The following EP300 variants were observed in gnomAD, a reference collection of about 807,000 sequenced individuals.
EP300 encodes EP300 lysine acetyltransferase.
EP300 carries 31 observed loss-of-function variants against 264.0 expected under a neutral mutation model. The ratio of observed to expected loss-of-function variants is 0.12; its 90% CI spans 0.09 to 0.16. EP300 has a LOEUF of 0.16. Among genes scored for constraint, EP300 ranks in the 10% least tolerant of loss-of-function variants. The probability of loss-of-function intolerance (pLI) is 1.00; values close to 1 mark genes in which losing one functional copy is unlikely to be tolerated. For missense variants in EP300, 2,766 were observed against 3,052.9 expected, an observed-to-expected ratio of 0.91 and a Z score of 2.21; for synonymous variants, 1,340 against 1,045.4, an observed-to-expected ratio of 1.28 and a Z score of -5.44.
At chr22:41,131,312 G>GT (rs1372042408) in intron 5 of EP300, 76 bp from the exon 6 acceptor site, 5 of 1,494,338 alleles carry the variant, frequency 3.3e-6, no homozygotes, top group African/African-American at 2.8e-5. Flanking sequence ...ATTTTGTGGG[G>GT]TTTTTTATTA....
At chr22:41,164,462 AGCAC>A (rs1229220776) in intron 22 of EP300, among the ~76,000 whole-genome samples, 1 of 152,184 alleles carries the variant, frequency 6.6e-6, no homozygotes, top group Non-Finnish European at 1.5e-5. Flanking sequence ...CTGTAATCCC[AGCAC>A]TTTGGGAGGC....
chr22:41,135,714 T>G (rs1393234407), intron 6 of EP300, 99 bp from the exon 7 acceptor site: 2 of 942,100 alleles, frequency 2.1e-6, no homozygotes, highest in Admixed American at 3.9e-5. Flanking sequence ...TGCTGCAAAT[T>G]TTTTTTCTGA....
chr22:41,119,744 C>G (rs1323079027), intron 2 of EP300, among the ~76,000 whole-genome samples: 1 of 152,074 alleles, frequency 6.6e-6, no homozygotes, highest in Non-Finnish European at 1.5e-5. Flanking sequence ...AATCCCTGTC[C>G]TTGTGGAGCT....
chr22:41,125,153 C>T (rs1210076832), intron 2 of EP300, among the ~76,000 whole-genome samples: 1 of 127,550 alleles, frequency 7.8e-6, no homozygotes, highest in Non-Finnish European at 1.6e-5. Context: ...GAGTCTCACT[C>T]TGTCGCCCAG....
chr22:41,126,203 C>G (rs1215421746), intron 3 of EP300, 163 bp downstream of exon 3: 1 of 697,948 alleles, frequency 1.4e-6, no homozygotes, highest in African/African-American at 1.8e-5. Flanking sequence ...TGCTTCCTTT[C>G]CATTTCTCTG....
intron 7 of EP300, among the ~76,000 whole-genome samples, chr22:41,137,097 G>A (rs373757107): frequency 1.3e-4 from 19 of 151,464 alleles, no homozygotes; most frequent in Non-Finnish European, 2.1e-4. Flanking sequence ...AGTGGCTCAC[G>A]CCTGTAATCT....
At chr22:41,164,697 A>G (rs1174567410) in intron 22 of EP300, among the ~76,000 whole-genome samples, 1 of 152,220 alleles carries the variant, frequency 6.6e-6, no homozygotes, top group East Asian at 1.9e-4. Flanking sequence ...CCTGGGTGAC[A>G]GAGTGAGACT....
At chr22:41,127,028 G>C (rs2058886857) in intron 3 of EP300, among the ~76,000 whole-genome samples, 1 of 152,014 alleles carries the variant, frequency 6.6e-6, no homozygotes. Context: ...ACAGGCGTGA[G>C]CCACCGCGCC....
intron 3 of EP300, 110 bp downstream of exon 3, chr22:41,126,150 G>A (rs969742708): frequency 1.8e-6 from 2 of 1,115,934 alleles, no homozygotes; most frequent in East Asian, 2.4e-5. Context: ...CCCACTAGGA[G>A]CCTAAATTGA....
rs1601639332 is a variant in EP300, at chr22:41,176,461, G to A, written c.4994G>A (p.Arg1665His). The A allele has an allele frequency of 2.5e-6, 4 of 1,614,172 alleles. No homozygotes were observed. The highest frequency in any genetic ancestry group is 3.4e-6 in the Non-Finnish European group (4 of 1,180,046). ...GAGCTGCACACGCAGAGCCAGGACC[G>A]CTTTGTCTACACCTGCAATGAATGC... ...LVELHTQSQD[R>H]FVYTCNECKH... Residue 1665 changes from arginine to histidine, a missense_variant, in exon 30 of 31, where the codon CGC (arginine) becomes CAC (histidine). By Grantham distance (29) the Arg-to-His change is conservative. Coordinates refer to ENST00000263253, the MANE Select transcript of EP300 (RefSeq NM_001429.4).
At chr22:41,123,708 A>G (rs2058864821) in intron 2 of EP300, among the ~76,000 whole-genome samples, 1 of 152,178 alleles carries the variant, frequency 6.6e-6, no homozygotes, top group Non-Finnish European at 1.5e-5. Flanking sequence ...GATGACTTGT[A>G]GTTGGGATCC....
rs768061933 is a variant in EP300, at chr22:41,178,825, A to G, written c.7114A>G (p.Met2372Val). 133 of 1,613,990 alleles carry G rather than the reference A, an allele frequency of 8.2e-5. No homozygotes were observed. The highest frequency in any genetic ancestry group is 9.2e-5 in the Non-Finnish European group (108 of 1,180,030). Reference sequence around the variant, plus strand: ...TTTTGCCAGCCCGGACCAGAATTCAATGCTTTCTCAGCTTGCTAGCAATCC... The same window carrying G: ...TTTTGCCAGCCCGGACCAGAATTCAGTGCTTTCTCAGCTTGCTAGCAATCC... ...GHFASPDQNS[M>V]LSQLASNPGM... The change falls in exon 31 of 31, where the codon ATG becomes GTG. Residue 2372 changes from methionine to valine, a missense_variant. Transcript: ENST00000263253.
chr22:41,152,175 G>A lies in EP300; in HGVS notation c.2998-31G>A, dbSNP rs768972414. 4 of 1,611,312 alleles carry A rather than the reference G, an allele frequency of 2.5e-6. No homozygotes were observed. In the Admixed American group the frequency reaches 6.7e-5, roughly 27 times the overall value. The stretch of plus-strand genomic sequence containing the variant: ...ACTGATTCCCAACTAGATATCTTTG[G>A]AATACTAAAAATTCTTACGTTTTCT... On this transcript the variant is annotated intron_variant, in intron 15 of 30. Transcript: ENST00000263253.
chr22:41,102,699 C>T (rs1569082815), intron 1 of EP300, among the ~76,000 whole-genome samples: 1 of 151,932 alleles, frequency 6.6e-6, no homozygotes, highest in Non-Finnish European at 1.5e-5. Context: ...TTCCAGCCAC[C>T]CTTACCACAG....
At chr22:41,162,410 A>T (rs1483881208) in intron 20 of EP300, among the ~76,000 whole-genome samples, 1 of 152,152 alleles carries the variant, frequency 6.6e-6, no homozygotes, top group Non-Finnish European at 1.5e-5. Context: ...GGGTTTCAGG[A>T]TGGGAAGCCA....
chr22:41,176,352 G>A lies in EP300; in HGVS notation c.4885G>A (p.Ala1629Thr), dbSNP rs2145512810. Residue 1629 changes from alanine (A) to threonine (T), a missense_variant, in exon 30 of 31, where the codon GCG (alanine) becomes ACG (threonine). Ala to Thr is a moderately conservative substitution (Grantham distance 58). Transcript: ENST00000263253. The stretch of plus-strand genomic sequence containing the variant: ...CTGCGATCTGATGGATGGTCGGGAT[G>A]CGTTTCTCACGCTGGCAAGGGACAA... ...IPCDLMDGRD[A>T]FLTLARDKHL... 2 of 1,614,234 alleles carry A rather than the reference G, an allele frequency of 1.2e-6. No homozygotes were observed. Among genetic ancestry groups the A allele is most frequent in the East Asian group, 2.2e-5 (1 of 44,876 alleles).
chr22:41,141,053 A>C lies in EP300; in HGVS notation c.1884A>C (p.Glu628Asp). The part of the protein sequence containing the change: ...DMYESANNRA[E>D]YYHLLAEKIY... ...TTACTTCAACAATTCAAAAGGCGGA[A>C]TACTACCACCTTCTAGCTGAGAAAA... Residue 628 changes from glutamate to aspartate, a missense_variant, in exon 10 of 31, where the codon GAA becomes GAC. Physicochemically the swap from Glu to Asp is conservative, Grantham distance 45. Coordinates refer to ENST00000263253, the MANE Select transcript of EP300 (RefSeq NM_001429.4). 1 of 1,613,882 alleles carries C rather than the reference A, an allele frequency of 6.2e-7. No individual in the cohort carries two copies. The highest frequency in any genetic ancestry group is 8.5e-7 in the Non-Finnish European group (1 of 1,179,908).
chr22:41,119,783 A>C (rs1429561765), intron 2 of EP300, among the ~76,000 whole-genome samples: 1 of 152,152 alleles, frequency 6.6e-6, no homozygotes, highest in East Asian at 1.9e-4. Context: ...AGGAATTCAA[A>C]TTTTAAACTT....
At chr22:41,107,962 C>A (rs554570458) in intron 1 of EP300, 1 of 152,326 alleles carries the variant, frequency 6.6e-6, no homozygotes, top group South Asian at 2.1e-4. Context: ...CTCGGCCTCC[C>A]AAAGTGCTGG....
Sources: gnomAD v4.1 joint callset for allele counts (sites outside exome capture counted in the v4.1 genomes callset) on GRCh38, gnomAD v4.1.1 for gene constraint, MANE v1.5 for transcripts, NCBI Gene and HGNC (gene_info 2026-07-23, HGNC 2026-07-21) for gene names.